Variants in SYNDIG1 observed in about 807,000 individuals in gnomAD.
SYNDIG1 encodes synapse differentiation-inducing gene protein 1.
SYNDIG1 carries 9 observed loss-of-function variants against 19.4 expected under a neutral mutation model. The ratio of observed to expected loss-of-function variants is 0.46; its 90% CI spans 0.28 to 0.81. The LOEUF is 0.81. Ranked by LOEUF, SYNDIG1 falls within the 30% of genes least tolerant of loss-of-function variation. The probability of loss-of-function intolerance (pLI) is 0.12; values close to 1 mark genes in which losing one functional copy is unlikely to be tolerated. For missense variants in SYNDIG1, 311 were observed against 343.3 expected, an observed-to-expected ratio of 0.91 and a Z score of 0.74; for synonymous variants, 141 against 145.9, an observed-to-expected ratio of 0.97 and a Z score of 0.24.
At chr20:24,597,036 C>G (rs1423205680) in intron 3 of SYNDIG1, 2 of 152,234 alleles carry the variant, frequency 1.3e-5, no homozygotes, top group Non-Finnish European at 2.9e-5. Flanking sequence ...GTGCAGTACC[C>G]TGGGTGTGCG....
At chr20:24,542,309 T>G (rs1434649777) in intron 1 of SYNDIG1, among the ~76,000 whole-genome samples, 1 of 152,234 alleles carries the variant, frequency 6.6e-6, no homozygotes, top group East Asian at 1.9e-4. Context: ...CTGTACACTG[T>G]AGCCCAGCAC....
At chr20:24,605,259 G>A (rs137877833) in intron 3 of SYNDIG1, among the ~76,000 whole-genome samples, 251 of 152,302 alleles carry the variant, frequency 1.6e-3, no homozygotes, top group Non-Finnish European at 2.9e-3. Context: ...TGCAATGAGG[G>A]CTACAAGAGC....
chr20:24,523,444 G>A (rs1187453937), intron 1 of SYNDIG1, among the ~76,000 whole-genome samples: 1 of 152,042 alleles, frequency 6.6e-6, no homozygotes, highest in East Asian at 1.9e-4. Context: ...CAGTTACGTT[G>A]GGTTTATATG....
intron 3 of SYNDIG1, among the ~76,000 whole-genome samples, chr20:24,645,124 C>A (rs949667941): frequency 1.3e-5 from 2 of 152,152 alleles, no homozygotes; most frequent in Non-Finnish European, 2.9e-5. Flanking sequence ...AGTTACCAAG[C>A]GTGCCTCCTG....
At chr20:24,638,265 T>C (rs2059335917) in intron 3 of SYNDIG1, among the ~76,000 whole-genome samples, 1 of 152,154 alleles carries the variant, frequency 6.6e-6, no homozygotes, top group South Asian at 2.1e-4. Flanking sequence ...TCGGATTTTT[T>C]AAAAAAGGGA....
chr20:24,602,661 C>T lies in SYNDIG1; in HGVS notation c.618+17668C>T, dbSNP rs191931996. Among the ~76,000 whole-genome samples the T allele has an allele frequency of 4.2e-4, 64 of 152,288 alleles. No homozygotes were observed. The East Asian group carries it at 4.2e-3, about 10-fold the overall frequency. ...CCACCCTTCTGAATTATTGTCCTCT[C>T]CCTGGCCTTGGCCTGATAATCCCTC... On this transcript the variant is annotated intron_variant, in intron 3 of 3. Coordinates refer to ENST00000376862, the MANE Select transcript of SYNDIG1 (RefSeq NM_024893.3).
rs112419295 is a variant in SYNDIG1, at chr20:24,658,450, A to G, written c.619-6896A>G. ...GGAGCTGCAGGCCGTGGACCCCTGA[A>G]GTGGACAGGCGCTCTGGCCGTACCC... is the stretch of plus-strand genomic sequence containing the variant. On this transcript the variant is annotated intron_variant, in intron 3 of 3. Coordinates refer to ENST00000376862, the MANE Select transcript of SYNDIG1 (RefSeq NM_024893.3). This position sits in a 1 kb window ranked among gnomAD's most constrained non-coding sequence, Gnocchi z 4.4. Among the ~76,000 whole-genome samples the G allele has an allele frequency of 0.013, 1,914 of 152,132 alleles. 56 individuals are homozygous for G. Among genetic ancestry groups the G allele is most frequent in the African/African-American group, 0.043 (1,777 of 41,506 alleles).
chr20:24,657,678 G>A (rs1033257517), intron 3 of SYNDIG1, among the ~76,000 whole-genome samples: 1 of 152,156 alleles, frequency 6.6e-6, no homozygotes, highest in Non-Finnish European at 1.5e-5. Flanking sequence ...GTCTGCGTGT[G>A]AGACCCTTTG....
chr20:24,553,998 G>T (rs999257246), intron 2 of SYNDIG1, among the ~76,000 whole-genome samples: 4 of 152,174 alleles, frequency 2.6e-5, no homozygotes, highest in African/African-American at 9.7e-5. Flanking sequence ...ACAGTGGTTT[G>T]TAGTTCTCCT....
At chr20:24,611,722 G>A (rs75582951) in intron 3 of SYNDIG1, among the ~76,000 whole-genome samples, 1 of 152,016 alleles carries the variant, frequency 6.6e-6, no homozygotes, top group Admixed American at 6.6e-5. Flanking sequence ...TGGGCCAGGA[G>A]CCTCTCCCAG....
At position 24,632,062 on chromosome 20, in the gene SYNDIG1, G is replaced by A. The variant is rs140923417; in HGVS notation, c.619-33284G>A. On this transcript the variant is annotated intron_variant, in intron 3 of 3. Transcript: ENST00000376862. ...TCATCCTCTGCTCCTAACTTCAGAG[G>A]GTGGCACAGACTAGACCAGAACTAG... is the stretch of plus-strand genomic sequence containing the variant. Among the ~76,000 whole-genome samples the A allele has an allele frequency of 3.6e-4, 55 of 152,224 alleles. No individual in the cohort carries two copies. In the East Asian group the frequency reaches 9.5e-3, roughly 26 times the overall value.
chr20:24,500,321 T>G (rs939406116), intron 1 of SYNDIG1, among the ~76,000 whole-genome samples: 3 of 152,152 alleles, frequency 2.0e-5, no homozygotes, highest in Non-Finnish European at 4.4e-5. Flanking sequence ...TAGAAATACC[T>G]TCTATGTTGC....
At chr20:24,650,341 A>G (rs1388790194) in intron 3 of SYNDIG1, among the ~76,000 whole-genome samples, 1 of 152,256 alleles carries the variant, frequency 6.6e-6, no homozygotes, top group Non-Finnish European at 1.5e-5. Context: ...CAAGTTTGCC[A>G]GCTGCGCTAG....
chr20:24,562,433 C>G (rs895265507), intron 2 of SYNDIG1, among the ~76,000 whole-genome samples: 5 of 152,070 alleles, frequency 3.3e-5, no homozygotes, highest in Non-Finnish European at 5.9e-5. Flanking sequence ...TTTTCTATAT[C>G]AAAAATATAA....
intron 1 of SYNDIG1, among the ~76,000 whole-genome samples, chr20:24,535,622 A>G (rs538822896): frequency 2.0e-5 from 3 of 152,258 alleles, no homozygotes; most frequent in African/African-American, 7.2e-5. Flanking sequence ...AAGGTTTTTC[A>G]TGAAAAAAAA....
rs111245724 is a variant in SYNDIG1 at position 24,506,046 on chromosome 20, G to A, written c.-79+36293G>A. On this transcript the variant is annotated intron_variant, in intron 1 of 3. Transcript: ENST00000376862. ...CAGCAAATGCTGAACCTCCAGTGCC[G>A]ACCCCAAGAGTATGACTTAGCTCCC... Among the ~76,000 whole-genome samples the A allele has an allele frequency of 5.5e-4, 83 of 152,282 alleles. 1 individual carries two copies. The highest frequency in any genetic ancestry group is 1.7e-3 in the African/African-American group (72 of 41,572).
chr20:24,538,758 C>T (rs2057410262), intron 1 of SYNDIG1, among the ~76,000 whole-genome samples: 1 of 138,178 alleles, frequency 7.2e-6, no homozygotes, highest in South Asian at 2.4e-4. Context: ...TCCTCACCAA[C>T]ACTTGTTATT....
intron 2 of SYNDIG1, among the ~76,000 whole-genome samples, chr20:24,583,252 C>T (rs758164010): frequency 1.3e-5 from 2 of 152,224 alleles, no homozygotes; most frequent in African/African-American, 2.4e-5. Context: ...GCAGCGGGCT[C>T]GCAGCCACGC....
At chr20:24,602,968 T>G (rs1028086635) in intron 3 of SYNDIG1, among the ~76,000 whole-genome samples, 1 of 152,216 alleles carries the variant, frequency 6.6e-6, no homozygotes, top group Non-Finnish European at 1.5e-5. Flanking sequence ...TTGCACTGCA[T>G]GAGTAACCAA....
Sources: gnomAD v4.1 joint callset for allele counts (sites outside exome capture counted in the v4.1 genomes callset) on GRCh38, gnomAD v4.1.1 for gene constraint, Gnocchi (gnomAD v3.1) non-coding constraint, MANE v1.5 for transcripts, NCBI Gene and HGNC (gene_info 2026-07-23, HGNC 2026-07-21) for gene names.